Variants in FAM131B observed in about 807,000 individuals in gnomAD.
FAM131B encodes the protein family with sequence similarity 131 member B, also known as protein FAM131B.
FAM131B carries 19 observed loss-of-function variants against 42.0 expected under a neutral mutation model. The ratio of observed to expected loss-of-function variants is 0.45; its 90% confidence interval spans 0.32 to 0.66. FAM131B has a LOEUF of 0.66. FAM131B is among the 30% of genes least tolerant of loss of function. FAM131B has a pLI of 0.05. For synonymous variants in FAM131B, 183 were observed against 177.6 expected (o/e 1.03, Z -0.24); for missense variants, 370 against 468.4 (o/e 0.79, Z 1.94).
the FAM131B span, chr7:143,381,383 GACGCGGCGCGC>G: frequency 9.3e-6 from 11 of 1,180,640 alleles, no homozygotes; most frequent in Non-Finnish European, 1.2e-5. Context: ...GGCCACCCGA[GACGCGGCGCGC>G]ACGCTCCGGC....
chr7:143,358,760 T>A lies in FAM131B; in HGVS notation c.466+67A>T. 1.6e-6 allele frequency: 2 copies of A among 1,255,906 alleles called. No homozygotes were observed. The highest frequency in any genetic ancestry group is 2.3e-6 in the Non-Finnish European group (2 of 870,110). The allele number at this position is 1,255,906 out of a possible 1,614,324, so 77.8% of individuals were successfully genotyped here. A position where few individuals can be genotyped will look rare whatever the true frequency, so the allele number is the denominator to read the frequency against. On this transcript the variant is annotated intron_variant, in intron 5 of 6. Coordinates refer to ENST00000443739, the MANE Select transcript of FAM131B (RefSeq NM_001031690.3). This position sits in a 1 kb window ranked among gnomAD's most constrained non-coding sequence, Gnocchi z 4.7. The stretch of plus-strand genomic sequence containing the variant: ...ATGGAGCTAATCCTGCCACAGGGGA[T>A]CAGGTTGGAGGGTCGGTCCCTGGCC...
In FAM131B at chr7:143,362,084, G is replaced by A; in HGVS notation, c.28+492C>T. The A allele has an allele frequency of 1.0e-6, 1 of 983,624 alleles. No homozygotes were observed. Among genetic ancestry groups the A allele is most frequent in the Non-Finnish European group, 1.2e-6 (1 of 828,022 alleles). The allele number at this position is 983,624 out of a possible 1,614,324, so 60.9% of individuals were successfully genotyped here. On this transcript the variant is annotated intron_variant, in intron 1 of 6. Coordinates refer to ENST00000443739, the MANE Select transcript of FAM131B (RefSeq NM_001031690.3). This position sits in a 1 kb window ranked among gnomAD's most constrained non-coding sequence, Gnocchi z 7.7. Reference sequence around the variant, plus strand: ...CAACGGAGAGGGAGAGAGAGATGGGGCAAAGCACCCGAGCCAGATGGAGGC... The same window carrying A: ...CAACGGAGAGGGAGAGAGAGATGGGACAAAGCACCCGAGCCAGATGGAGGC...
At chr7:143,360,313 C>G in intron 1 of FAM131B, 164 bp from the exon 2 acceptor site, 1 of 1,442,586 alleles carries the variant, frequency 6.9e-7, no homozygotes, top group Non-Finnish European at 9.1e-7. Flanking sequence ...ATGCTGAGCC[C>G]AAATATTCAG....
chr7:143,357,026 GA>G lies in FAM131B; in HGVS notation c.611-5del. 6.2e-7 allele frequency: 1 copy of G among 1,604,560 alleles called. No homozygotes were observed. The highest frequency in any genetic ancestry group is 8.5e-7 in the Non-Finnish European group (1 of 1,172,016). On this transcript the variant is annotated splice_region_variant and splice_polypyrimidine_tract_variant and intron_variant, in intron 6 of 6. Transcript: ENST00000443739. The stretch of plus-strand genomic sequence containing the variant: ...ATGGGTGCTTGAGCCAGGGCATCTG[GA>G]AAAAGAATCATGGAGGTCAGTGGGG...
At chr7:143,376,016 T>A in the FAM131B span, among the ~76,000 whole-genome samples, 18 of 152,234 alleles carry the variant, frequency 1.2e-4, no homozygotes, top group Non-Finnish European at 1.8e-4. Flanking sequence ...TGGCTGCTGA[T>A]GCTTGCAGTG....
rs1279566176 is a variant in FAM131B, at chr7:143,354,029, C to G, written c.*2521G>C. On this transcript the variant is annotated 3_prime_UTR_variant, in exon 7 of 7. Coordinates refer to ENST00000443739, the MANE Select transcript of FAM131B (RefSeq NM_001031690.3). The stretch of plus-strand genomic sequence containing the variant: ...CCGAAACAGCCTCTTCCTGCACATG[C>G]CCCTCCCCACCCCCTGAAATAGACG... 1 of 152,124 alleles carries G rather than the reference C, an allele frequency of 6.6e-6. No individual in the cohort carries two copies. Among genetic ancestry groups the G allele is most frequent in the Non-Finnish European group, 1.5e-5 (1 of 68,042 alleles). 9.4% of individuals were successfully genotyped at this position (152,124 alleles called of 1,614,324 possible). A position where few individuals can be genotyped will look rare whatever the true frequency, so the allele number is the denominator to read the frequency against.
upstream of FAM131B, among the ~76,000 whole-genome samples, chr7:143,364,526 C>T (rs1036352162): frequency 2.6e-5 from 4 of 152,044 alleles, no homozygotes; most frequent in African/African-American, 9.7e-5. Context: ...TGGATGCAAA[C>T]CTCTCCCCTT....
the FAM131B span, among the ~76,000 whole-genome samples, chr7:143,371,474 C>G: frequency 6.6e-6 from 1 of 151,538 alleles, no homozygotes; most frequent in Non-Finnish European, 1.5e-5. Flanking sequence ...ATTAGCCAGG[C>G]CTGGTGGCAC....
upstream of FAM131B, among the ~76,000 whole-genome samples, chr7:143,363,746 C>T (rs1345619446): frequency 6.6e-6 from 1 of 152,204 alleles, no homozygotes; most frequent in Non-Finnish European, 1.5e-5. Flanking sequence ...GGTGGGCATT[C>T]ACAGAAGCAA....
chr7:143,380,292 T>C, the FAM131B span: 1 of 983,438 alleles, frequency 1.0e-6, no homozygotes, highest in East Asian at 1.1e-4. The surrounding 1 kb of genome is among the most constrained non-coding windows in gnomAD (Gnocchi z 5.0). Context: ...TCGTGTAGCC[T>C]GGGGCTGAGT....
chr7:143,357,342 G>A lies in FAM131B; in HGVS notation c.548C>T (p.Ser183Phe). Residue 183 changes from serine to phenylalanine, a missense_variant, in exon 6 of 7, where the codon TCC becomes TTC. By Grantham distance (155) the Ser-to-Phe change is radical (BLOSUM62 -2). Coordinates refer to ENST00000443739, the MANE Select transcript of FAM131B (RefSeq NM_001031690.3). ...GTTGCAGCCCAATGGCTCCTGGGTG[G>A]AGTTCACACTCATGTCCTCACCATC... ...SMDGEDMSVN[S>F]TQEPLGCNYS... is the part of the protein sequence containing the mutation. 1 of 1,613,894 alleles carries A rather than the reference G, an allele frequency of 6.2e-7. No homozygotes were observed. The highest frequency in any genetic ancestry group is 8.5e-7 in the Non-Finnish European group (1 of 1,179,832).
At chr7:143,370,832 G>T in the FAM131B span, among the ~76,000 whole-genome samples, 1 of 152,078 alleles carries the variant, frequency 6.6e-6, no homozygotes, top group Non-Finnish European at 1.5e-5. Flanking sequence ...CTATGGACTC[G>T]CCCTGAGTTC....
the FAM131B span, chr7:143,381,318 C>T: frequency 2.7e-6 from 3 of 1,122,646 alleles, no homozygotes; most frequent in Non-Finnish European, 3.3e-6. Context: ...CCTCCCCGCC[C>T]GGCTGGAGGC....
chr7:143,372,861 A>G, the FAM131B span, among the ~76,000 whole-genome samples: 1 of 152,076 alleles, frequency 6.6e-6, no homozygotes, highest in Non-Finnish European at 1.5e-5. Context: ...TGGGAGGCTG[A>G]GGCAGGAGAA....
chr7:143,377,747 T>C, the FAM131B span, among the ~76,000 whole-genome samples: 10 of 152,160 alleles, frequency 6.6e-5, no homozygotes, highest in African/African-American at 9.7e-5. Flanking sequence ...AGAGTCTCGA[T>C]CTGTCACCCA....
In FAM131B at chr7:143,356,270, C is replaced by T; in HGVS notation, c.*280G>A. On this transcript the variant is annotated 3_prime_UTR_variant, in exon 7 of 7. Coordinates refer to ENST00000443739, the MANE Select transcript of FAM131B (RefSeq NM_001031690.3). This position sits in a 1 kb window ranked among gnomAD's most constrained non-coding sequence, Gnocchi z 4.4. ...GTGCACACACTGGAGGCTTTGTCGGCACAGACCCAGAAGCCCACAGCCCAG... is the reference window on the plus strand; with the variant it reads ...GTGCACACACTGGAGGCTTTGTCGGTACAGACCCAGAAGCCCACAGCCCAG... The T allele has an allele frequency of 6.5e-6, 3 of 461,888 alleles. No homozygotes were observed. Among genetic ancestry groups the T allele is most frequent in the Non-Finnish European group, 1.2e-5 (3 of 256,928 alleles). 28.6% of individuals were successfully genotyped at this position (461,888 alleles called of 1,614,324 possible). A position where few individuals can be genotyped will look rare whatever the true frequency, so the allele number is the denominator to read the frequency against.
In FAM131B at chr7:143,357,626, G is replaced by A. The variant is rs562693255; in HGVS notation, c.467-203C>T. Among the ~76,000 whole-genome samples the A allele has an allele frequency of 6.9e-4, 105 of 152,166 alleles. 1 individual carries two copies. The highest frequency in any genetic ancestry group is 2.5e-3 in the African/African-American group (103 of 41,510). On this transcript the variant is annotated intron_variant, in intron 5 of 6. Transcript: ENST00000443739. ...TGAAATAATAGATCTTATTTAATTC[G>A]ATATATAAAAAGATTTTCATCTCAA...
At chr7:143,367,461 C>T (rs1479923520), upstream of FAM131B, among the ~76,000 whole-genome samples, 1 of 152,218 alleles carries the variant, frequency 6.6e-6, no homozygotes, top group African/African-American at 2.4e-5. Context: ...AATTTCAGTA[C>T]TCTGGGAGAC....
upstream of FAM131B, among the ~76,000 whole-genome samples, chr7:143,362,973 C>T (rs980403524): frequency 1.3e-5 from 2 of 152,012 alleles, no homozygotes; most frequent in Admixed American, 1.3e-4. This position sits in a 1 kb window ranked among gnomAD's most constrained non-coding sequence, Gnocchi z 7.7. Context: ...TCCCGGGGCT[C>T]TCTCCTGGAG....
Sources: allele counts gnomAD v4.1 joint callset (sites outside exome capture counted in the v4.1 genomes callset), GRCh38; gene constraint gnomAD v4.1.1; non-coding constraint Gnocchi (gnomAD v3.1); transcripts MANE v1.5; gene names NCBI Gene and HGNC (gene_info 2026-07-23, HGNC 2026-07-21).